NEK4: variants seen among roughly 807,000 people sequenced by gnomAD.
NEK4 encodes serine/threonine-protein kinase Nek4.
NEK4 carries 86 observed loss-of-function variants against 98.4 expected under a neutral mutation model. That is an observed-to-expected ratio of 0.87 (90% CI 0.73 to 1.05). The LOEUF (loss-of-function observed/expected upper bound fraction) is 1.05. Ranked by LOEUF, NEK4 falls within the 50% of genes least tolerant of loss-of-function variation. NEK4 has a pLI of 0.00. For synonymous variants in NEK4, 328 were observed against 342.2 expected, an observed-to-expected ratio of 0.96 and a Z score of 0.46; for missense variants, 898 against 950.3, an observed-to-expected ratio of 0.94 and a Z score of 0.72.
chr3:52,760,366 G>A (rs1698311363), intron 6 of NEK4, among the ~76,000 whole-genome samples: 1 of 152,068 alleles, frequency 6.6e-6, no homozygotes, highest in Non-Finnish European at 1.5e-5. Flanking sequence ...ACAGGTACAT[G>A]CCACCACAGC....
rs1403815904 is a variant in NEK4 at position 52,739,290 on chromosome 3, T to C, written c.2299+139A>G. ...GGTGCATGCCTGTAGTCCCAGCTAC[T>C]TGGGAGGCTGAAGCAGGAGAATCGC... On this transcript the variant is annotated intron_variant, in intron 14 of 15. Transcript: ENST00000233027. 1.0e-5 allele frequency: 7 copies of C among 675,196 alleles called. No homozygotes were observed. Among genetic ancestry groups the C allele is most frequent in the Non-Finnish European group, 1.8e-5 (7 of 387,802 alleles). The allele number at this position is 675,196 out of a possible 1,614,324, so 41.8% of individuals were successfully genotyped here.
intron 1 of NEK4, among the ~76,000 whole-genome samples, chr3:52,769,792 C>A (rs995772434): frequency 6.6e-6 from 1 of 152,192 alleles, no homozygotes; most frequent in Non-Finnish European, 1.5e-5. Flanking sequence ...TATATTGTCA[C>A]CCTATTAATA....
At chr3:52,725,049 TTTC>T (rs1429732795) in intron 15 of NEK4, among the ~76,000 whole-genome samples, 1 of 152,212 alleles carries the variant, frequency 6.6e-6, no homozygotes, top group African/African-American at 2.4e-5. Flanking sequence ...TTATTTGTAA[TTTC>T]TTTTTTTTGT....
In NEK4 at chr3:52,743,342, C is replaced by T. The variant is rs779792313; in HGVS notation, c.2004+10G>A. Reference sequence around the variant, plus strand: ...CTGTCCACCTTCTCTCTTAGGAGTACGTAATGCACCTGAGTGACGCTGCAG... The same window carrying T: ...CTGTCCACCTTCTCTCTTAGGAGTATGTAATGCACCTGAGTGACGCTGCAG... On this transcript the variant is annotated intron_variant, in intron 12 of 15. Transcript: ENST00000233027. The T allele has an allele frequency of 1.0e-4, 164 of 1,604,498 alleles. No individual in the cohort carries two copies. The highest frequency in any genetic ancestry group is 4.8e-4 in the South Asian group (44 of 90,908).
At chr3:52,767,522 G>C (rs1239507640) in intron 2 of NEK4, among the ~76,000 whole-genome samples, 1 of 151,476 alleles carries the variant, frequency 6.6e-6, no homozygotes, top group Non-Finnish European at 1.5e-5. Flanking sequence ...GACCAGCCTG[G>C]CCAACATGGT....
At chr3:52,720,125 A>G (rs765423481) in intron 15 of NEK4, among the ~76,000 whole-genome samples, 1 of 152,162 alleles carries the variant, frequency 6.6e-6, no homozygotes, top group East Asian at 1.9e-4. Context: ...TCTACTAAAA[A>G]TACAAAAATT....
At chr3:52,753,600 C>CA (rs1215519514) in intron 6 of NEK4, 2 of 570,930 alleles carry the variant, frequency 3.5e-6, no homozygotes, top group Admixed American at 3.8e-5. Context: ...GCAGGGGATG[C>CA]AAAAACCAGT....
chr3:52,711,503 T>C lies in NEK4; in HGVS notation c.*274A>G. ...AAAAATAAAATTCTAAATATAAACT[T>C]GGTGGATTAAGGCTCAGTAAACAGT... On this transcript the variant is annotated 3_prime_UTR_variant, in exon 16 of 16. Transcript: ENST00000233027. 3.7e-6 allele frequency: 1 copy of C among 273,796 alleles called. No individual in the cohort carries two copies. Among genetic ancestry groups the C allele is most frequent in the Non-Finnish European group, 6.7e-6 (1 of 148,172 alleles). The allele number at this position is 273,796 out of a possible 1,614,324, so 17.0% of individuals were successfully genotyped here. A position where few individuals can be genotyped will look rare whatever the true frequency, so the allele number is the denominator to read the frequency against.
intron 15 of NEK4, among the ~76,000 whole-genome samples, chr3:52,736,244 A>G (rs1291905584): frequency 1.3e-5 from 2 of 152,204 alleles, no homozygotes; most frequent in Admixed American, 1.3e-4. Flanking sequence ...TTTTCTTCTG[A>G]TATTTTAAAA....
At chr3:52,766,137 C>G in intron 3 of NEK4, 41 bp downstream of exon 3, 1 of 1,566,290 alleles carries the variant, frequency 6.4e-7, no homozygotes, top group Non-Finnish European at 8.8e-7. Context: ...CAAGCACTCT[C>G]CCAGAGACAA....
At chr3:52,725,808 G>A (rs1010445392) in intron 15 of NEK4, among the ~76,000 whole-genome samples, 4 of 151,222 alleles carry the variant, frequency 2.6e-5, no homozygotes, top group Admixed American at 6.6e-5. Context: ...CAGGAAATAA[G>A]CAATTAAAAA....
chr3:52,711,472 C>A lies in NEK4; in HGVS notation c.*305G>T, dbSNP rs2097350319. On this transcript the variant is annotated 3_prime_UTR_variant, in exon 16 of 16. Coordinates refer to ENST00000233027, the MANE Select transcript of NEK4 (RefSeq NM_003157.6). ...AGCTCTGTGTTTAAGTTAATTAGTACCTTAAAAAAATAAAATTCTAAATAT... is the reference window on the plus strand; with the variant it reads ...AGCTCTGTGTTTAAGTTAATTAGTAACTTAAAAAAATAAAATTCTAAATAT... The A allele has an allele frequency of 4.9e-6, 1 of 203,798 alleles. No individual in the cohort carries two copies. Among genetic ancestry groups the A allele is most frequent in the Non-Finnish European group, 9.8e-6 (1 of 102,414 alleles). 12.6% of individuals were successfully genotyped at this position (203,798 alleles called of 1,614,324 possible).
chr3:52,755,984 C>T (rs1169652628), intron 6 of NEK4, among the ~76,000 whole-genome samples: 9 of 151,762 alleles, frequency 5.9e-5, no homozygotes, highest in South Asian at 2.1e-4. Context: ...AACCAAAAGG[C>T]GAAAGAAGGA....
chr3:52,766,037 T>C, intron 3 of NEK4, 43 bp from the exon 4 acceptor site: 4 of 1,469,184 alleles, frequency 2.7e-6, no homozygotes, highest in Middle Eastern at 1.7e-4. Context: ...CAGAATAGCT[T>C]ATTTACATTT....
intron 7 of NEK4, among the ~76,000 whole-genome samples, chr3:52,750,998 T>C (rs970190320): frequency 3.3e-5 from 5 of 152,070 alleles, no homozygotes; most frequent in Non-Finnish European, 5.9e-5. Context: ...TAGATAAACC[T>C]TGAAAACATC....
chr3:52,714,196 A>T (rs2097352977), intron 15 of NEK4, among the ~76,000 whole-genome samples: 1 of 152,184 alleles, frequency 6.6e-6, no homozygotes. Flanking sequence ...TGATCATGCC[A>T]CTGCACTCCA....
intron 7 of NEK4, among the ~76,000 whole-genome samples, chr3:52,751,324 T>C (rs1465687587): frequency 1.3e-5 from 2 of 151,734 alleles, no homozygotes; most frequent in Non-Finnish European, 2.9e-5. Context: ...GGTGTGGTGG[T>C]GGGTGCTTGT....
At position 52,737,611 on chromosome 3, in the gene NEK4, T is replaced by C. The variant is rs777145290; in HGVS notation, c.2408A>G (p.Glu803Gly). 1.9e-5 allele frequency: 30 copies of C among 1,613,698 alleles called. No individual in the cohort carries two copies. Among genetic ancestry groups the C allele is most frequent in the Non-Finnish European group, 2.5e-5 (30 of 1,179,826 alleles). The change falls in exon 15 of 16, where the codon GAG becomes GGG. Residue 803 changes from glutamate (E) to glycine (G), a missense_variant. Glu to Gly is a moderately conservative substitution (Grantham distance 98, BLOSUM62 -2). Coordinates refer to ENST00000233027, the MANE Select transcript of NEK4 (RefSeq NM_003157.6). ...QLLEQVYDLL[E>G]EEDEFDREVR... ...CTCTCTATCAAATTCATCCTCCTCCTCCAAAAGATCATACACCTGCTCTAA... is the reference window on the plus strand; with the variant it reads ...CTCTCTATCAAATTCATCCTCCTCCCCCAAAAGATCATACACCTGCTCTAA...
chr3:52,765,743 A>T (rs573482730), intron 4 of NEK4, 144 bp downstream of exon 4: 1 of 592,314 alleles, frequency 1.7e-6, no homozygotes, highest in South Asian at 2.0e-5. Flanking sequence ...CCTTCCCCAC[A>T]GAAGGGACCC....
Sources: allele counts gnomAD v4.1 joint callset (sites outside exome capture counted in the v4.1 genomes callset), GRCh38; gene constraint gnomAD v4.1.1; transcripts MANE v1.5; gene names NCBI Gene and HGNC (gene_info 2026-07-23, HGNC 2026-07-21).